The following DLG2 variants were observed in gnomAD, a reference collection of about 807,000 sequenced individuals.
DLG2 encodes discs large MAGUK scaffold protein 2.
DLG2 carries 45 observed loss-of-function variants against 132.5 expected under a neutral mutation model. That is an observed-to-expected ratio of 0.34 (90% CI 0.27 to 0.44). DLG2 has a LOEUF of 0.44. Among genes scored for constraint, DLG2 ranks in the 20% least tolerant of loss-of-function variants. The pLI is 1.00. For synonymous variants in DLG2, 424 were observed against 419.6 expected, an observed-to-expected ratio of 1.01 and a Z score of -0.13; for missense variants, 1,045 against 1,196.9, an observed-to-expected ratio of 0.87 and a Z score of 1.87.
intron 18 of DLG2, among the ~76,000 whole-genome samples, chr11:83,784,291 C>A (rs1378152495): frequency 6.6e-6 from 1 of 152,128 alleles, no homozygotes; most frequent in Non-Finnish European, 1.5e-5. Context: ...AACTGTTGTA[C>A]AATTTAAATG....
rs543492427 is a variant in DLG2, at chr11:84,880,264, C to T, written c.357+231397G>A. The stretch of plus-strand genomic sequence containing the variant: ...AGGAAAGTTGGCTCTCCCCTGCCTA[C>T]AAAACAGAGCCAGCCTTCATTGGAA... On this transcript the variant is annotated intron_variant, in intron 6 of 27. Coordinates refer to ENST00000376104, the MANE Select transcript of DLG2 (RefSeq NM_001142699.3). Among the ~76,000 whole-genome samples the T allele has an allele frequency of 7.9e-5, 12 of 152,170 alleles. No individual in the cohort carries two copies. In the East Asian group the frequency reaches 1.7e-3, roughly 22 times the overall value.
intron 7 of DLG2, among the ~76,000 whole-genome samples, chr11:84,302,761 T>C (rs1277956924): frequency 6.6e-6 from 1 of 152,204 alleles, no homozygotes; most frequent in Non-Finnish European, 1.5e-5. Flanking sequence ...TAAAAGGATT[T>C]ATGATTAACT....
chr11:84,770,387 G>T (rs1303933177), intron 6 of DLG2, among the ~76,000 whole-genome samples: 1 of 152,034 alleles, frequency 6.6e-6, no homozygotes, highest in African/African-American at 2.4e-5. Flanking sequence ...TGGGTTTGTT[G>T]TACAGGTTAT....
intron 18 of DLG2, among the ~76,000 whole-genome samples, chr11:83,703,046 C>A (rs763232719): frequency 1.3e-5 from 2 of 152,244 alleles, no homozygotes; most frequent in Non-Finnish European, 2.9e-5. Flanking sequence ...GCTGTTCCAG[C>A]ATTTCACAGA....
intron 2 of DLG2, among the ~76,000 whole-genome samples, chr11:85,599,967 A>C (rs616309): frequency 0.19 from 28,370 of 152,164 alleles, 3,190 homozygotes; most frequent in Non-Finnish European, 0.25. Context: ...AAAAAGCCTA[A>C]ATACCAATTA....
intron 6 of DLG2, among the ~76,000 whole-genome samples, chr11:84,730,919 A>G (rs1186166273): frequency 6.6e-6 from 1 of 152,112 alleles, no homozygotes; most frequent in Non-Finnish European, 1.5e-5. Context: ...TCACAGATTT[A>G]AGATAATGAT....
chr11:85,425,427 T>C (rs2090637747), intron 3 of DLG2, among the ~76,000 whole-genome samples: 2 of 152,148 alleles, frequency 1.3e-5, no homozygotes, highest in Non-Finnish European at 2.9e-5. Context: ...TGAACATATA[T>C]ATTGTAAATA....
intron 15 of DLG2, among the ~76,000 whole-genome samples, chr11:83,876,345 G>A (rs1460116383): frequency 1.3e-5 from 2 of 152,066 alleles, no homozygotes; most frequent in Non-Finnish European, 2.9e-5. Flanking sequence ...ACTGTATTTA[G>A]ACCACTTCAG....
intron 4 of DLG2, among the ~76,000 whole-genome samples, chr11:85,262,017 G>A (rs1177014114): frequency 2.6e-5 from 4 of 152,150 alleles, no homozygotes; most frequent in Non-Finnish European, 5.9e-5. Flanking sequence ...GAGTCACTGA[G>A]GCTAGAGAAT....
intron 7 of DLG2, among the ~76,000 whole-genome samples, chr11:84,532,140 T>TTC (rs2099344310): frequency 6.8e-6 from 1 of 147,240 alleles, no homozygotes; most frequent in African/African-American, 2.5e-5. Context: ...TTTTTTTTTT[T>TTC]TACTGTAACC....
chr11:85,415,422 G>A (rs150280902), intron 3 of DLG2, among the ~76,000 whole-genome samples: 9,152 of 152,194 alleles, frequency 0.06, 420 homozygotes, highest in African/African-American at 0.12. Flanking sequence ...CTAGATCCTT[G>A]AGGAATTGCC....
Position 83,882,645 on chromosome 11 carries a change from C to A in DLG2, c.1497-8157G>T, listed in dbSNP as rs532277986. Among the ~76,000 whole-genome samples the A allele has an allele frequency of 5.9e-5, 9 of 152,286 alleles. No homozygotes were observed. The South Asian group carries it at 1.9e-3, about 32-fold the overall frequency. ...ATAAAACACTCATTTTATTATGCCA[C>A]TATACAATCATATTTTTAAAACTTA... On this transcript the variant is annotated intron_variant, in intron 15 of 27. Coordinates refer to ENST00000376104, the MANE Select transcript of DLG2 (RefSeq NM_001142699.3).
At chr11:85,142,609 A>G (rs2076570177) in intron 5 of DLG2, among the ~76,000 whole-genome samples, 1 of 151,852 alleles carries the variant, frequency 6.6e-6, no homozygotes, top group Non-Finnish European at 1.5e-5. Flanking sequence ...ATTGAATAGC[A>G]GTGGTAAAAA....
At chr11:85,078,484 T>A (rs1373931592) in intron 6 of DLG2, among the ~76,000 whole-genome samples, 1 of 151,664 alleles carries the variant, frequency 6.6e-6, no homozygotes, top group Non-Finnish European at 1.5e-5. Context: ...AAAGGGAAAG[T>A]AGTAAGACAT....
Position 83,549,848 on chromosome 11 carries a change from T to C in DLG2, c.1941-7990A>G, listed in dbSNP as rs189971148. On this transcript the variant is annotated intron_variant, in intron 19 of 27. Coordinates refer to ENST00000376104, the MANE Select transcript of DLG2 (RefSeq NM_001142699.3). Reference sequence around the variant, plus strand: ...GGAGTGCAGATTTCTAGTCCTGGCTTCAACATAATTCACTATGTGATCTTG... The same window carrying C: ...GGAGTGCAGATTTCTAGTCCTGGCTCCAACATAATTCACTATGTGATCTTG... 7.0e-3 allele frequency among the ~76,000 whole-genome samples: 1,070 copies of C among 152,300 alleles called. 11 individuals carry two copies. Among genetic ancestry groups the C allele is most frequent in the Middle Eastern group, 0.014 (4 of 294 alleles).
At chr11:85,578,003 A>C (rs903042980) in intron 3 of DLG2, among the ~76,000 whole-genome samples, 2 of 152,212 alleles carry the variant, frequency 1.3e-5, no homozygotes, top group African/African-American at 4.8e-5. Flanking sequence ...CTACAGGCCT[A>C]GAGTAACCAA....
At chr11:83,554,718 G>A (rs745635874) in intron 19 of DLG2, among the ~76,000 whole-genome samples, 1 of 152,146 alleles carries the variant, frequency 6.6e-6, no homozygotes, top group African/African-American at 2.4e-5. Context: ...TGTTCCATTG[G>A]GCTGGACTGA....
At chr11:83,765,858 A>G (rs1032432024) in intron 18 of DLG2, among the ~76,000 whole-genome samples, 1 of 152,352 alleles carries the variant, frequency 6.6e-6, no homozygotes, top group South Asian at 2.1e-4. Context: ...TTGCTACCCA[A>G]ATATACTCAA....
intron 6 of DLG2, among the ~76,000 whole-genome samples, chr11:85,109,554 G>A (rs990643586): frequency 6.6e-6 from 1 of 152,042 alleles, no homozygotes; most frequent in Admixed American, 6.6e-5. Flanking sequence ...TAATTCAAAA[G>A]ACAGAATCCT....
Sources: gnomAD v4.1 joint callset for allele counts (sites outside exome capture counted in the v4.1 genomes callset) on GRCh38, gnomAD v4.1.1 for gene constraint, MANE v1.5 for transcripts, NCBI Gene and HGNC (gene_info 2026-07-23, HGNC 2026-07-21) for gene names.